The following RNF220 variants were observed in gnomAD, a reference collection of about 807,000 sequenced individuals.
The protein encoded by RNF220 is E3 ubiquitin-protein ligase RNF220.
Under a neutral mutation model 67.1 loss-of-function variants are expected in RNF220, and 7 were observed. That is an observed-to-expected ratio of 0.10 (90% CI 0.06 to 0.20). RNF220 has a LOEUF of 0.20. Ranked by LOEUF, RNF220 falls within the 10% of genes least tolerant of loss-of-function variation. RNF220 has a pLI of 1.00. For missense variants in RNF220, 565 were observed against 740.3 expected (o/e 0.76, Z 2.75); for synonymous variants, 270 against 283.2 (o/e 0.95, Z 0.47).
At chr1:44,474,378 A>T (rs1054166905) in intron 2 of RNF220, among the ~76,000 whole-genome samples, 2 of 137,646 alleles carry the variant, frequency 1.5e-5, no homozygotes, top group Non-Finnish European at 3.1e-5. Context: ...CTGTCTCCAA[A>T]AATAATAATA....
chr1:44,615,788 T>C (rs933508381), intron 3 of RNF220, among the ~76,000 whole-genome samples: 2 of 152,184 alleles, frequency 1.3e-5, no homozygotes, highest in Non-Finnish European at 2.9e-5. Flanking sequence ...TATTTAGTCA[T>C]CTATCGCTGT....
intron 2 of RNF220, among the ~76,000 whole-genome samples, chr1:44,494,092 G>C (rs566386833): frequency 2.0e-5 from 3 of 151,788 alleles, no homozygotes; most frequent in African/African-American, 7.3e-5. Context: ...TGCAATCCCA[G>C]CTACTTGGGA....
chr1:44,431,253 T>G (rs1650334178), intron 2 of RNF220, among the ~76,000 whole-genome samples: 1 of 151,912 alleles, frequency 6.6e-6, no homozygotes, highest in South Asian at 2.1e-4. Context: ...CCCAGCAGTT[T>G]GGGAGGCCGA....
At chr1:44,435,117 G>A (rs1650830349) in intron 2 of RNF220, among the ~76,000 whole-genome samples, 1 of 151,434 alleles carries the variant, frequency 6.6e-6, no homozygotes, top group Non-Finnish European at 1.5e-5. Context: ...CTCAATAAAT[G>A]CCAAATAAAT....
chr1:44,557,104 T>G (rs1271559893), intron 2 of RNF220, among the ~76,000 whole-genome samples: 2 of 148,048 alleles, frequency 1.4e-5, no homozygotes, highest in South Asian at 2.1e-4. Context: ...TGTGTATATA[T>G]GTATGTATAT....
chr1:44,461,705 G>A (rs1254410868), intron 2 of RNF220, among the ~76,000 whole-genome samples: 1 of 151,996 alleles, frequency 6.6e-6, no homozygotes, highest in Non-Finnish European at 1.5e-5. Flanking sequence ...GCTTGTCAGG[G>A]GACATGAATG....
intron 2 of RNF220, among the ~76,000 whole-genome samples, chr1:44,552,695 C>A (rs1198296160): frequency 6.7e-6 from 1 of 150,124 alleles, no homozygotes; most frequent in African/African-American, 2.4e-5. Flanking sequence ...CTCAGCCTCC[C>A]GAGTAGCTGG....
intron 8 of RNF220, chr1:44,644,409 C>A: frequency 2.9e-6 from 1 of 347,474 alleles, no homozygotes; most frequent in Non-Finnish European, 5.4e-6. Context: ...GGACAGCAGG[C>A]CTGGGCTGAG....
chr1:44,647,541 T>C (rs1051354726), intron 12 of RNF220, among the ~76,000 whole-genome samples: 9 of 152,072 alleles, frequency 5.9e-5, no homozygotes, highest in Non-Finnish European at 1.2e-4. Flanking sequence ...TTGGCATCCC[T>C]GGAAAGAGGC....
At chr1:44,490,373 G>A (rs1000688283) in intron 2 of RNF220, among the ~76,000 whole-genome samples, 15 of 152,038 alleles carry the variant, frequency 9.9e-5, no homozygotes, top group African/African-American at 3.4e-4. Flanking sequence ...AGGAGGCTGA[G>A]GCAGAAGAAT....
chr1:44,516,298 T>G (rs1014509412), intron 2 of RNF220, among the ~76,000 whole-genome samples: 1 of 152,104 alleles, frequency 6.6e-6, no homozygotes, highest in Non-Finnish European at 1.5e-5. Flanking sequence ...AGTGCTAAGA[T>G]AGATGTAAGA....
At chr1:44,481,738 C>T (rs1481155197) in intron 2 of RNF220, among the ~76,000 whole-genome samples, 2 of 152,052 alleles carry the variant, frequency 1.3e-5, no homozygotes, top group Non-Finnish European at 2.9e-5. Flanking sequence ...GATGTGGAAT[C>T]AAGAGAGAGA....
chr1:44,566,394 CCT>C (rs372909331), intron 2 of RNF220, among the ~76,000 whole-genome samples: 99 of 152,250 alleles, frequency 6.5e-4, no homozygotes, highest in African/African-American at 2.2e-3. Flanking sequence ...GTCCTCAGCC[CCT>C]CTCTGGCTAA....
Position 44,537,021 on chromosome 1 carries a change from T to G in RNF220, c.626-77144T>G, listed in dbSNP as rs191053060. On this transcript the variant is annotated intron_variant, in intron 2 of 14. Transcript: ENST00000361799. ...TGCACTCAGTAATTAGTATGCAAATTAGGCCCCGGGACCACACAAGTTCTA... is the reference window on the plus strand; with the variant it reads ...TGCACTCAGTAATTAGTATGCAAATGAGGCCCCGGGACCACACAAGTTCTA... Among the ~76,000 whole-genome samples the G allele has an allele frequency of 8.9e-3, 1,239 of 139,950 alleles. 14 individuals carry two copies. The highest frequency in any genetic ancestry group is 0.03 in the African/African-American group (1,181 of 38,898). The allele number at this position is 139,950 out of a possible 152,430, so 91.8% of individuals were successfully genotyped here. A position where few individuals can be genotyped will look rare whatever the true frequency, so the allele number is the denominator to read the frequency against.
intron 2 of RNF220, among the ~76,000 whole-genome samples, chr1:44,444,175 C>T (rs771596708): frequency 1.3e-5 from 2 of 152,216 alleles, no homozygotes; most frequent in Non-Finnish European, 2.9e-5. Context: ...AACCCATCCT[C>T]TCTTACTTAG....
At chr1:44,543,355 G>A (rs905253466) in intron 2 of RNF220, among the ~76,000 whole-genome samples, 5 of 152,146 alleles carry the variant, frequency 3.3e-5, no homozygotes, top group African/African-American at 7.2e-5. Context: ...GGGGGAGATC[G>A]TTGGTGGCTT....
At chr1:44,458,338 T>G (rs1221271621) in intron 2 of RNF220, among the ~76,000 whole-genome samples, 1 of 50,426 alleles carries the variant, frequency 2.0e-5, no homozygotes, top group African/African-American at 1.1e-4. Context: ...TTTTTCCAGT[T>G]TTTTTTTTTT....
intron 2 of RNF220, among the ~76,000 whole-genome samples, chr1:44,442,223 C>A (rs1382000167): frequency 6.6e-6 from 1 of 151,990 alleles, no homozygotes; most frequent in Non-Finnish European, 1.5e-5. Flanking sequence ...GGCCTCCCTT[C>A]CTCAAACTCC....
At chr1:44,618,259 ACAGACG>A (rs1348665485) in intron 3 of RNF220, among the ~76,000 whole-genome samples, 2 of 152,186 alleles carry the variant, frequency 1.3e-5, no homozygotes, top group African/African-American at 4.8e-5. Context: ...TGTTTCAGAC[ACAGACG>A]CAAACATATA....
Sources: allele counts gnomAD v4.1 joint callset (sites outside exome capture counted in the v4.1 genomes callset), GRCh38; gene constraint gnomAD v4.1.1; transcripts MANE v1.5; gene names NCBI Gene and HGNC (gene_info 2026-07-23, HGNC 2026-07-21).